ROCK1: variants seen among roughly 807,000 people sequenced by gnomAD.
The protein encoded by ROCK1 is Rho associated coiled-coil containing protein kinase 1.
Under a neutral mutation model 196.8 loss-of-function variants are expected in ROCK1, and 36 were observed. That is an observed-to-expected ratio of 0.18 (90% CI 0.14 to 0.24). ROCK1 has a LOEUF of 0.24. Among genes scored for constraint, ROCK1 ranks in the 10% least tolerant of loss-of-function variants. The pLI is 1.00. For synonymous variants in ROCK1, 443 were observed against 515.9 expected (o/e 0.86, Z 1.91); for missense variants, 920 against 1,562.0 (o/e 0.59, Z 6.93).
At chr18:21,012,753 G>A (rs962735051) in intron 13 of ROCK1, among the ~76,000 whole-genome samples, 22 of 151,998 alleles carry the variant, frequency 1.4e-4, no homozygotes, top group African/African-American at 5.3e-4. Flanking sequence ...TTAGTAATTC[G>A]AGTGACACAA....
intron 1 of ROCK1, among the ~76,000 whole-genome samples, chr18:21,108,697 G>A (rs1487711264): frequency 6.6e-6 from 1 of 151,762 alleles, no homozygotes; most frequent in East Asian, 1.9e-4. Context: ...TCATTCTCAT[G>A]CCCCAATTTT....
At chr18:21,000,751 G>A (rs991672274) in intron 16 of ROCK1, among the ~76,000 whole-genome samples, 1 of 152,108 alleles carries the variant, frequency 6.6e-6, no homozygotes, top group African/African-American at 2.4e-5. Context: ...CTGAAAAAAA[G>A]GAAAATACCA....
intron 12 of ROCK1, 114 bp from the exon 13 acceptor site, chr18:21,015,593 T>A: frequency 1.4e-6 from 1 of 706,332 alleles, no homozygotes; most frequent in South Asian, 1.7e-5. Flanking sequence ...CCTTTCTTGG[T>A]GCCATGGATC....
Position 20,959,918 on chromosome 18 carries a change from AC to A in ROCK1, c.3433del (p.Val1145Ter). On this transcript the variant is annotated frameshift_variant, in exon 29 of 33. Transcript: ENST00000399799. LOFTEE classifies it high-confidence loss of function. ...ATAGAACAAAATTTTTTTGCTGCTTACCACAACATACTGAAATAAGAAAAAG... is the reference window on the plus strand; with the variant it reads ...ATAGAACAAAATTTTTTTGCTGCTTACACAACATACTGAAATAAGAAAAAG... The part of the protein sequence containing the change: ...RYGWKKQYVV[V>X]SSKKILFYND... 1 of 1,594,800 alleles carries A rather than the reference AC, an allele frequency of 6.3e-7. No individual in the cohort carries two copies.
intron 2 of ROCK1, among the ~76,000 whole-genome samples, chr18:21,059,938 T>C (rs1228117082): frequency 1.3e-5 from 2 of 152,202 alleles, no homozygotes; most frequent in Admixed American, 1.3e-4. Flanking sequence ...CAAAAGACCA[T>C]TTTATTGATG....
intron 1 of ROCK1, among the ~76,000 whole-genome samples, chr18:21,090,746 G>A (rs1250278230): frequency 6.6e-6 from 1 of 152,116 alleles, no homozygotes; most frequent in Non-Finnish European, 1.5e-5. Context: ...ACAAATAAAT[G>A]TTTATTGAAA....
chr18:21,098,020 T>A (rs1469307815), intron 1 of ROCK1, among the ~76,000 whole-genome samples: 1 of 152,252 alleles, frequency 6.6e-6, no homozygotes, highest in African/African-American at 2.4e-5. Context: ...GATATCACAG[T>A]GCTTTAGTAA....
chr18:21,045,532 A>G, intron 4 of ROCK1, 65 bp from the exon 5 acceptor site: 1 of 1,247,728 alleles, frequency 8.0e-7, no homozygotes, highest in Non-Finnish European at 1.1e-6. Flanking sequence ...TTTCACTTAA[A>G]AAGTGGCAAA....
In ROCK1 at chr18:21,042,249, AAAG is replaced by A; in HGVS notation, c.821-17_821-15del. 1 of 1,549,078 alleles carries A rather than the reference AAAG, an allele frequency of 6.5e-7. No homozygotes were observed. The highest frequency in any genetic ancestry group is 8.7e-7 in the Non-Finnish European group (1 of 1,154,116). ...AAGGTGTATCACCTGAAAAATTGAT[AAAG>A]AAAACAAAAGCAAAATGAAATACAT... is the stretch of plus-strand genomic sequence containing the variant. On this transcript the variant is annotated splice_polypyrimidine_tract_variant and intron_variant, in intron 7 of 32. Coordinates refer to ENST00000399799, the MANE Select transcript of ROCK1 (RefSeq NM_005406.3).
chr18:21,052,652 C>T (rs572562161), intron 2 of ROCK1, among the ~76,000 whole-genome samples: 133 of 152,226 alleles, frequency 8.7e-4, no homozygotes, highest in African/African-American at 3.2e-3. Flanking sequence ...AGATCAGCAG[C>T]GGCATTAGAT....
At chr18:21,067,382 T>C (rs1323620972) in intron 2 of ROCK1, among the ~76,000 whole-genome samples, 1 of 148,312 alleles carries the variant, frequency 6.7e-6, no homozygotes, top group Non-Finnish European at 1.5e-5. Flanking sequence ...GTCTTTTCAC[T>C]CTTTTTTTTT....
chr18:20,963,012 G>A (rs1462080593), intron 27 of ROCK1, among the ~76,000 whole-genome samples: 1 of 151,960 alleles, frequency 6.6e-6, no homozygotes, highest in Non-Finnish European at 1.5e-5. Context: ...TGATCTGGAG[G>A]TATAACGCTG....
At chr18:20,975,091 G>C (rs895297810) in intron 22 of ROCK1, among the ~76,000 whole-genome samples, 1 of 152,184 alleles carries the variant, frequency 6.6e-6, no homozygotes, top group African/African-American at 2.4e-5. Flanking sequence ...TCCTACCATA[G>C]AGCTTTGTTT....
intron 10 of ROCK1, among the ~76,000 whole-genome samples, chr18:21,025,187 G>A (rs1480340063): frequency 6.6e-6 from 1 of 152,102 alleles, no homozygotes; most frequent in African/African-American, 2.4e-5. Flanking sequence ...TTATATTGGT[G>A]CTTTTACATA....
At chr18:20,957,554 C>G (rs1206915556) in intron 29 of ROCK1, among the ~76,000 whole-genome samples, 2 of 151,912 alleles carry the variant, frequency 1.3e-5, no homozygotes, top group East Asian at 3.8e-4. Flanking sequence ...AATCTTGGCT[C>G]ACCGCAACCT....
chr18:21,034,780 G>C (rs930029202), intron 9 of ROCK1, among the ~76,000 whole-genome samples: 3 of 152,078 alleles, frequency 2.0e-5, no homozygotes, highest in African/African-American at 7.2e-5. Flanking sequence ...AACAAAAGAA[G>C]AAATAAACCA....
At chr18:20,982,903 T>C in intron 20 of ROCK1, 71 bp from the exon 21 acceptor site, 1 of 684,154 alleles carries the variant, frequency 1.5e-6, no homozygotes, top group Non-Finnish European at 2.6e-6. Flanking sequence ...TCTTAGTTTG[T>C]TAAAGTTGCT....
At chr18:21,009,230 G>T (rs1008068550) in intron 13 of ROCK1, among the ~76,000 whole-genome samples, 2 of 145,822 alleles carry the variant, frequency 1.4e-5, no homozygotes, top group Non-Finnish European at 3.0e-5. Flanking sequence ...GGCCAGGATG[G>T]TCTCGATTTC....
intron 20 of ROCK1, 27 bp downstream of exon 20, chr18:20,984,324 A>C: frequency 3.3e-6 from 5 of 1,531,588 alleles, no homozygotes; most frequent in Non-Finnish European, 4.5e-6. Context: ...AAAAGAAAGA[A>C]ATCACAATGT....
Sources: gnomAD v4.1 joint callset for allele counts (sites outside exome capture counted in the v4.1 genomes callset) on GRCh38, gnomAD v4.1.1 for gene constraint, MANE v1.5 for transcripts, NCBI Gene and HGNC (gene_info 2026-07-23, HGNC 2026-07-21) for gene names.